LSAMP: variants seen among roughly 807,000 people sequenced by gnomAD.
LSAMP encodes limbic system-associated membrane protein.
Under a neutral mutation model 38.6 loss-of-function variants are expected in LSAMP, and 7 were observed. That is an observed-to-expected ratio of 0.18 (90% CI 0.10 to 0.34). The LOEUF is 0.34. Ranked by LOEUF, LSAMP falls within the 10% of genes least tolerant of loss-of-function variation. The probability of loss-of-function intolerance (pLI) is 1.00; values close to 1 mark genes in which losing one functional copy is unlikely to be tolerated. For missense variants in LSAMP, 313 were observed against 420.0 expected (o/e 0.75, Z 2.23); for synonymous variants, 154 against 166.8 (o/e 0.92, Z 0.59).
intron 1 of LSAMP, among the ~76,000 whole-genome samples, chr3:116,121,248 A>G (rs1000576204): frequency 6.6e-5 from 10 of 152,220 alleles, no homozygotes; most frequent in African/African-American, 1.9e-4. Flanking sequence ...TGAGCAGGAG[A>G]TAAGCATGCT....
intron 1 of LSAMP, among the ~76,000 whole-genome samples, chr3:116,349,962 T>C (rs1319401183): frequency 6.6e-6 from 1 of 152,104 alleles, no homozygotes; most frequent in Non-Finnish European, 1.5e-5. Context: ...TATGCGAATA[T>C]ACCAAGTTGT....
At position 115,931,568 on chromosome 3, in the gene LSAMP, C is replaced by T. The variant is rs374269137; in HGVS notation, c.515-78951G>A. The stretch of plus-strand genomic sequence containing the variant: ...TCCTGTTTAGAGCGTGTCTCCACCC[C>T]CATCATGTCTCTTCTTTCTCCTTGT... On this transcript the variant is annotated intron_variant, in intron 3 of 6. Transcript: ENST00000490035. Among the ~76,000 whole-genome samples the T allele has an allele frequency of 5.9e-5, 9 of 152,254 alleles. No individual in the cohort carries two copies. In the East Asian group the frequency reaches 1.4e-3, roughly 23 times the overall value.
At chr3:116,131,550 T>A (rs954006928) in intron 1 of LSAMP, among the ~76,000 whole-genome samples, 2 of 152,134 alleles carry the variant, frequency 1.3e-5, no homozygotes, top group Non-Finnish European at 1.5e-5. Context: ...TGCATGGCCA[T>A]CTTCTGACCA....
At chr3:115,813,706 C>A (rs891516031) in intron 6 of LSAMP, among the ~76,000 whole-genome samples, 3 of 152,052 alleles carry the variant, frequency 2.0e-5, no homozygotes, top group Non-Finnish European at 2.9e-5. Context: ...AGTGTGTATG[C>A]AATTATAGAT....
intron 1 of LSAMP, among the ~76,000 whole-genome samples, chr3:116,373,252 A>G (rs1041622536): frequency 6.6e-6 from 1 of 151,414 alleles, no homozygotes; most frequent in Non-Finnish European, 1.5e-5. Context: ...CACATACACA[A>G]TGAAATATGA....
chr3:116,061,581 C>T (rs1941595264), intron 2 of LSAMP, among the ~76,000 whole-genome samples: 1 of 152,174 alleles, frequency 6.6e-6, no homozygotes, highest in Non-Finnish European at 1.5e-5. Context: ...TTGAAGATTG[C>T]AGCAGCCCCT....
intron 3 of LSAMP, among the ~76,000 whole-genome samples, chr3:115,962,069 T>C (rs755898539): frequency 1.4e-4 from 21 of 152,292 alleles, no homozygotes; most frequent in Admixed American, 2.0e-4. Flanking sequence ...AGCAAAGTGG[T>C]CTGCTATTTT....
At chr3:116,354,353 C>A (rs73861639) in intron 1 of LSAMP, among the ~76,000 whole-genome samples, 1 of 152,312 alleles carries the variant, frequency 6.6e-6, no homozygotes, top group African/African-American at 2.4e-5. Context: ...CTATTTATAA[C>A]CACCTTGTTA....
At chr3:116,402,790 C>T (rs2048854970) in intron 1 of LSAMP, among the ~76,000 whole-genome samples, 1 of 151,398 alleles carries the variant, frequency 6.6e-6, no homozygotes, top group African/African-American at 2.4e-5. Flanking sequence ...CCATGTAATA[C>T]AAAATACTAG....
chr3:116,079,117 A>G (rs1022986118), intron 2 of LSAMP, among the ~76,000 whole-genome samples: 1 of 152,166 alleles, frequency 6.6e-6, no homozygotes, highest in Non-Finnish European at 1.5e-5. Context: ...CATTTATACT[A>G]TCTTCTCCAA....
chr3:115,824,958 C>A (rs1934361530), intron 6 of LSAMP, among the ~76,000 whole-genome samples: 1 of 152,156 alleles, frequency 6.6e-6, no homozygotes, highest in African/African-American at 2.4e-5. Flanking sequence ...TTTCTATTTT[C>A]CAGCCCCAAA....
At chr3:116,330,930 C>A (rs960459813) in intron 1 of LSAMP, among the ~76,000 whole-genome samples, 5 of 151,854 alleles carry the variant, frequency 3.3e-5, no homozygotes, top group African/African-American at 4.8e-5. Context: ...CAGAAACTGT[C>A]CCTAAAAAGA....
chr3:115,940,527 C>T (rs1180716550), intron 3 of LSAMP, among the ~76,000 whole-genome samples: 1 of 152,138 alleles, frequency 6.6e-6, no homozygotes, highest in Non-Finnish European at 1.5e-5. Context: ...CAGCTGGCTT[C>T]ACCTCTCAGT....
chr3:116,444,567 A>G (rs750857937), intron 1 of LSAMP, among the ~76,000 whole-genome samples: 3 of 152,106 alleles, frequency 2.0e-5, no homozygotes, highest in Non-Finnish European at 4.4e-5. Context: ...GAAGTCACTA[A>G]TGCCATGGGT....
intron 1 of LSAMP, among the ~76,000 whole-genome samples, chr3:116,241,487 A>C (rs1164600160): frequency 6.6e-6 from 1 of 152,124 alleles, no homozygotes; most frequent in Non-Finnish European, 1.5e-5. Context: ...AATCCGCTTG[A>C]ACCCAGGAGG....
intron 3 of LSAMP, among the ~76,000 whole-genome samples, chr3:115,962,721 G>A (rs1007140420): frequency 6.6e-6 from 1 of 152,174 alleles, no homozygotes; most frequent in Non-Finnish European, 1.5e-5. Flanking sequence ...AAAGGGAAAG[G>A]GCCAAGAGCA....
chr3:116,052,196 T>C (rs1356560557), intron 2 of LSAMP, among the ~76,000 whole-genome samples: 1 of 151,782 alleles, frequency 6.6e-6, no homozygotes, highest in African/African-American at 2.4e-5. Flanking sequence ...TCCTCTCTGG[T>C]TAGTGTCAGC....
At chr3:116,406,651 G>A (rs779677935) in intron 1 of LSAMP, among the ~76,000 whole-genome samples, 93 of 152,080 alleles carry the variant, frequency 6.1e-4, no homozygotes, top group Middle Eastern at 3.4e-3. Flanking sequence ...GCAATAGAGA[G>A]AAAAAATGGC....
intron 3 of LSAMP, among the ~76,000 whole-genome samples, chr3:115,936,866 G>A (rs768689240): frequency 3.2e-4 from 48 of 152,126 alleles, no homozygotes; most frequent in Non-Finnish European, 5.3e-4. Context: ...GAAGTTTGGG[G>A]AAATGCACAG....
Sources: gnomAD v4.1 joint callset for allele counts (sites outside exome capture counted in the v4.1 genomes callset) on GRCh38, gnomAD v4.1.1 for gene constraint, MANE v1.5 for transcripts, NCBI Gene and HGNC (gene_info 2026-07-23, HGNC 2026-07-21) for gene names.